Variants in SCAPER observed in about 807,000 individuals in gnomAD.
The protein encoded by SCAPER is S phase cyclin A-associated protein in the endoplasmic reticulum.
A neutral mutation model predicts 182.2 loss-of-function variants in SCAPER; 98 were observed. The ratio of observed to expected loss-of-function variants is 0.54; its 90% confidence interval spans 0.46 to 0.64. The LOEUF is 0.64. Among genes scored for constraint, SCAPER ranks in the 30% least tolerant of loss-of-function variants. The pLI is 0.00. For synonymous variants in SCAPER, 605 were observed against 564.6 expected (o/e 1.07, Z -1.01); for missense variants, 1,432 against 1,690.0 (o/e 0.85, Z 2.68).
intron 25 of SCAPER, among the ~76,000 whole-genome samples, chr15:76,461,358 A>G (rs1401338823): frequency 6.7e-6 from 1 of 149,266 alleles, no homozygotes; most frequent in African/African-American, 2.5e-5. Context: ...AAAAAAGATT[A>G]TTTTGTGGGA....
Position 76,354,233 on chromosome 15 carries a change from T to G in SCAPER, c.3856-93A>C, listed in dbSNP as rs1407512169. 3 of 1,186,624 alleles carry G rather than the reference T, an allele frequency of 2.5e-6. No individual in the cohort carries two copies. In the East Asian group the frequency reaches 8.5e-5, roughly 34 times the overall value. The allele number at this position is 1,186,624 out of a possible 1,614,324, so 73.5% of individuals were successfully genotyped here. ...GTGTCGGCTAGTACCATGGAAAACA[T>G]GCTGAAGGAGTGTAAAGAAAAAGAC... On this transcript the variant is annotated intron_variant, in intron 29 of 31. Coordinates refer to ENST00000563290, the MANE Select transcript of SCAPER (RefSeq NM_020843.4). The surrounding 1 kb of genome is among the most constrained non-coding windows in gnomAD (Gnocchi z 4.4).
chr15:76,765,107 A>G, intron 13 of SCAPER, 35 bp from the exon 14 acceptor site: 1 of 1,415,228 alleles, frequency 7.1e-7, no homozygotes, highest in Middle Eastern at 1.8e-4. Flanking sequence ...GAGACATGAA[A>G]TGTTTACATG....
At chr15:76,471,019 CA>C (rs200080389) in intron 25 of SCAPER, 192 bp downstream of exon 25, 6,705 of 412,234 alleles carry the variant, frequency 0.016, 104 homozygotes, top group South Asian at 0.035. Flanking sequence ...GAATCCAATG[CA>C]AAAATTTCAA....
intron 24 of SCAPER, among the ~76,000 whole-genome samples, chr15:76,482,022 C>CTA (rs2051185409): frequency 6.6e-6 from 1 of 151,966 alleles, no homozygotes; most frequent in African/African-American, 2.4e-5. Context: ...TTTGGCAAGA[C>CTA]TATAGGTGGT....
At chr15:76,693,368 T>A (rs890861754) in intron 20 of SCAPER, among the ~76,000 whole-genome samples, 5 of 152,178 alleles carry the variant, frequency 3.3e-5, no homozygotes, top group African/African-American at 1.2e-4. Context: ...GAAATTGGAA[T>A]CCTTGTACAT....
Position 76,870,985 on chromosome 15 carries a change from C to A in SCAPER, c.7-8452G>T, listed in dbSNP as rs147459699. Among the ~76,000 whole-genome samples, 58 of 151,958 alleles carry A rather than the reference C, an allele frequency of 3.8e-4. 1 individual carries two copies. The East Asian group carries it at 9.5e-3, about 25-fold the overall frequency. On this transcript the variant is annotated intron_variant, in intron 2 of 31. Coordinates refer to ENST00000563290, the MANE Select transcript of SCAPER (RefSeq NM_020843.4). ...AAACCTTAGAAGTAGTTACAAGTAACCTCAAATTAATAAGAATAAAACTGA... is the reference window on the plus strand; with the variant it reads ...AAACCTTAGAAGTAGTTACAAGTAAACTCAAATTAATAAGAATAAAACTGA...
chr15:76,415,530 A>C (rs181884722), intron 26 of SCAPER, among the ~76,000 whole-genome samples: 1 of 152,344 alleles, frequency 6.6e-6, no homozygotes, highest in Admixed American at 6.5e-5. Flanking sequence ...AGAGCAGTTA[A>C]AATGAATCAG....
intron 26 of SCAPER, among the ~76,000 whole-genome samples, chr15:76,413,059 A>G (rs375980386): frequency 1.3e-5 from 2 of 152,162 alleles, no homozygotes; most frequent in East Asian, 1.9e-4. Context: ...TGATTTTTGC[A>G]TAAGTTATAT....
intron 20 of SCAPER, among the ~76,000 whole-genome samples, chr15:76,695,256 T>A (rs62028174): frequency 0.067 from 10,192 of 152,154 alleles, 380 homozygotes; most frequent in Middle Eastern, 0.11. Flanking sequence ...CTGTTTTGAG[T>A]TAATTCTAAA....
chr15:76,656,382 G>A (rs989031905), intron 21 of SCAPER, among the ~76,000 whole-genome samples: 3 of 152,166 alleles, frequency 2.0e-5, no homozygotes, highest in East Asian at 1.9e-4. Context: ...AAACACAGGA[G>A]CACATAGATT....
chr15:76,714,018 G>A (rs550884762), intron 17 of SCAPER, among the ~76,000 whole-genome samples: 1 of 152,028 alleles, frequency 6.6e-6, no homozygotes, highest in Non-Finnish European at 1.5e-5. Context: ...ACTGTAATTT[G>A]CATGACATAT....
In SCAPER at chr15:76,769,387, G is replaced by A. The variant is rs529038014; in HGVS notation, c.1249-2299C>T. On this transcript the variant is annotated intron_variant, in intron 10 of 31. Transcript: ENST00000563290. ...GAACCTGGGAGGTGGAGCTTGCAGT[G>A]AGCCAAGACTGCACTACTGCACTCT... 1.0e-4 allele frequency among the ~76,000 whole-genome samples: 15 copies of A among 143,564 alleles called. No homozygotes were observed. In the East Asian group the frequency reaches 3.3e-3, roughly 31 times the overall value. The allele number at this position is 143,564 out of a possible 152,430, so 94.2% of individuals were successfully genotyped here.
chr15:76,488,714 C>CTTTTTTTTTTTTGTTTTTTTTTTTTTT, intron 24 of SCAPER, among the ~76,000 whole-genome samples: 1 of 93,144 alleles, frequency 1.1e-5, no homozygotes, highest in Non-Finnish European at 2.0e-5. Context: ...AGTACACTGC[C>CTTTTTTTTTTTTGTTTTTTTTTTTTTT]TTTTTTTTTT....
chr15:76,656,640 A>G (rs1034638298), intron 21 of SCAPER, among the ~76,000 whole-genome samples: 1 of 152,138 alleles, frequency 6.6e-6, no homozygotes, highest in East Asian at 1.9e-4. Flanking sequence ...TCACCCACAC[A>G]GTGAGCCATA....
intron 1 of SCAPER, among the ~76,000 whole-genome samples, chr15:76,902,654 C>T (rs928607012): frequency 6.6e-6 from 1 of 152,182 alleles, no homozygotes; most frequent in African/African-American, 2.4e-5. Flanking sequence ...TTCTATTAAA[C>T]TTCCCCCTAA....
chr15:76,887,183 C>T (rs914720019), intron 1 of SCAPER, among the ~76,000 whole-genome samples: 3 of 152,134 alleles, frequency 2.0e-5, no homozygotes, highest in South Asian at 2.1e-4. Flanking sequence ...AGTCTGAGTC[C>T]GTTCCAAGAT....
intron 1 of SCAPER, among the ~76,000 whole-genome samples, chr15:76,885,169 T>G (rs548447050): frequency 2.7e-4 from 41 of 152,330 alleles, no homozygotes; most frequent in Admixed American, 4.6e-4. Flanking sequence ...AAATGAATCA[T>G]TTATCAGTAA....
At chr15:76,733,428 T>C in intron 15 of SCAPER, 44 bp from the exon 16 acceptor site, 1 of 1,584,446 alleles carries the variant, frequency 6.3e-7, no homozygotes, top group Middle Eastern at 1.7e-4. Context: ...AAGTTAATTC[T>C]AGGGCACATT....
chr15:76,447,300 T>C (rs1165938626), intron 25 of SCAPER, among the ~76,000 whole-genome samples: 1 of 152,216 alleles, frequency 6.6e-6, no homozygotes, highest in Non-Finnish European at 1.5e-5. Flanking sequence ...TCCTTTGTGA[T>C]AAACTGGTAA....
Sources: gnomAD v4.1 joint callset for allele counts (sites outside exome capture counted in the v4.1 genomes callset) on GRCh38, gnomAD v4.1.1 for gene constraint, Gnocchi (gnomAD v3.1) non-coding constraint, MANE v1.5 for transcripts, NCBI Gene and HGNC (gene_info 2026-07-23, HGNC 2026-07-21) for gene names.